KLHL30: variants seen among roughly 807,000 people sequenced by gnomAD.
KLHL30 encodes the protein kelch like family member 30, also known as kelch-like protein 30.
Under a neutral mutation model 55.0 loss-of-function variants are expected in KLHL30, and 55 were observed. The ratio of observed to expected loss-of-function variants is 1.00; its 90% CI spans 0.80 to 1.25. The LOEUF (loss-of-function observed/expected upper bound fraction) is 1.25. Among genes scored for constraint, KLHL30 ranks in the 50% most tolerant of loss-of-function variants. KLHL30 has a pLI of 0.00. For missense variants in KLHL30, 786 were observed against 811.6 expected (o/e 0.97, Z 0.38); for synonymous variants, 356 against 372.6 (o/e 0.96, Z 0.51).
Position 238,150,919 on chromosome 2 carries a change from G to T in KLHL30, c.1591G>T (p.Val531Leu). Residue 531 changes from valine (V) to leucine (L), a missense_variant, in exon 8 of 8, where the codon GTG (valine) becomes TTG (leucine). By Grantham distance (32) the Val-to-Leu change is conservative. Coordinates refer to ENST00000409223, the MANE Select transcript of KLHL30 (RefSeq NM_198582.4). ...GCAGGGCATGGAAGGTGACTACCAC[G>T]TGGAGATGGAGGCCTACGACACGGT... ...RWQGMEGDYH[V>L]EMEAYDTVRD... 6 of 1,596,940 alleles carry T rather than the reference G, an allele frequency of 3.8e-6. No individual in the cohort carries two copies. Among genetic ancestry groups the T allele is most frequent in the East Asian group, 2.3e-5 (1 of 43,890 alleles).
At chr2:238,145,378 T>G (rs908476821) in intron 4 of KLHL30, among the ~76,000 whole-genome samples, 1 of 152,158 alleles carries the variant, frequency 6.6e-6, no homozygotes, top group Non-Finnish European at 1.5e-5. Flanking sequence ...AGTCGTGTGT[T>G]GCAGGGGTCA....
At chr2:238,146,491 C>G (rs1184051026) in intron 5 of KLHL30, among the ~76,000 whole-genome samples, 1 of 151,382 alleles carries the variant, frequency 6.6e-6, no homozygotes, top group African/African-American at 2.4e-5. Flanking sequence ...TCTGCAACCT[C>G]CATCTTCCAG....
intron 2 of KLHL30, among the ~76,000 whole-genome samples, chr2:238,141,734 T>G (rs545899119): frequency 1.3e-5 from 2 of 152,348 alleles, no homozygotes; most frequent in East Asian, 3.9e-4. Flanking sequence ...TCACGCCCTG[T>G]GTGCAAGGGG....
At chr2:238,142,744 C>G in intron 2 of KLHL30, 55 bp from the exon 3 acceptor site, 1 of 1,340,088 alleles carries the variant, frequency 7.5e-7, no homozygotes, top group Non-Finnish European at 9.6e-7. Flanking sequence ...CACGCGGGGG[C>G]TCAGGGCATG....
At chr2:238,143,244 G>A (rs1047307851) in intron 3 of KLHL30, among the ~76,000 whole-genome samples, 6 of 152,362 alleles carry the variant, frequency 3.9e-5, no homozygotes, top group Middle Eastern at 3.4e-3. Context: ...TGGGGTGGGC[G>A]GCCTGGCCGC....
At position 238,141,120 on chromosome 2, in the gene KLHL30, C is replaced by A. The variant is rs556056703; in HGVS notation, c.366C>A (p.Cys122Ter). The change falls in exon 2 of 8, where the codon TGC (cysteine) becomes TGA (stop). Residue 122 changes from cysteine to a stop codon, truncating the protein, a stop_gained. Coordinates refer to ENST00000409223, the MANE Select transcript of KLHL30 (RefSeq NM_198582.4). LOFTEE classifies it high-confidence loss of function. ...RLHFPSVQKV[C>*]GRYLQQQLDA... ...ACTTCCCCTCGGTGCAGAAGGTCTG[C>A]GGCCGCTACCTGCAGCAGCAACTGG... 3 of 1,610,262 alleles carry A rather than the reference C, an allele frequency of 1.9e-6. No homozygotes were observed. Among genetic ancestry groups the A allele is most frequent in the Non-Finnish European group, 2.5e-6 (3 of 1,178,250 alleles).
Position 238,147,931 on chromosome 2 carries a change from G to A in KLHL30, c.1248G>A (p.Ser416=), listed in dbSNP as rs771109790. Residue 416 remains serine, a synonymous_variant, in exon 6 of 8, where the codon TCG becomes TCA. Transcript: ENST00000409223. The surrounding 1 kb of genome is among the most constrained non-coding windows in gnomAD (Gnocchi z 5.8). ...CCCTCAAATACGTCAGCAACTTCTC[G>A]GCTGCCGGCTGCCGGGGCCGGCTCT... The part of the protein sequence containing the change: ...SPALKYVSNF[S]AAGCRGRLYL... 2.9e-4 allele frequency: 464 copies of A among 1,594,060 alleles called. No homozygotes were observed. Among genetic ancestry groups the A allele is most frequent in the Non-Finnish European group, 3.6e-4 (427 of 1,171,332 alleles).
chr2:238,151,202 A>G lies in KLHL30; in HGVS notation c.*137A>G. ...AGCTGCGCTCAGGCCACCAGGGGTG[A>G]TCAGACGGCATGGCTTGGAGGACAC... On this transcript the variant is annotated 3_prime_UTR_variant, in exon 8 of 8. Coordinates refer to ENST00000409223, the MANE Select transcript of KLHL30 (RefSeq NM_198582.4). 8.4e-7 allele frequency: 1 copy of G among 1,194,734 alleles called. No individual in the cohort carries two copies. The highest frequency in any genetic ancestry group is 1.5e-5 in the African/African-American group (1 of 65,346). 74.0% of individuals were successfully genotyped at this position (1,194,734 alleles called of 1,614,324 possible). A position where few individuals can be genotyped will look rare whatever the true frequency, so the allele number is the denominator to read the frequency against.
At chr2:238,139,507 C>T (rs1310224738) in intron 1 of KLHL30, among the ~76,000 whole-genome samples, 1 of 152,166 alleles carries the variant, frequency 6.6e-6, no homozygotes, top group African/African-American at 2.4e-5. Context: ...GGTTGGTCCG[C>T]GAGGCCCTGT....
chr2:238,150,148 G>T (rs1426960217), intron 7 of KLHL30, among the ~76,000 whole-genome samples: 1 of 152,202 alleles, frequency 6.6e-6, no homozygotes, highest in Non-Finnish European at 1.5e-5. Flanking sequence ...CTGGGCCACA[G>T]CCAGGCCTTC....
At position 238,145,768 on chromosome 2, in the gene KLHL30, C is replaced by G; in HGVS notation, c.1086C>G (p.Pro362=). The G allele has an allele frequency of 6.2e-7, 1 of 1,606,646 alleles. No individual in the cohort carries two copies. ...AGGCCTCCTGGAAGCCCGTGGCGCC[C>G]ATGCTGAAGCCCCGCACCAACCACG... is the stretch of plus-strand genomic sequence containing the variant. ...LKEASWKPVA[P]MLKPRTNHAS... is the part of the protein sequence containing the mutation. Residue 362 remains proline (P), a synonymous_variant, in exon 5 of 8, where the codon CCC becomes CCG. Coordinates refer to ENST00000409223, the MANE Select transcript of KLHL30 (RefSeq NM_198582.4).
Position 238,140,974 on chromosome 2 carries a change from G to C in KLHL30, c.220G>C (p.Val74Leu), listed in dbSNP as rs368732409. Residue 74 changes from valine (V) to leucine (L), a missense_variant, in exon 2 of 8, where the codon GTG becomes CTG. By Grantham distance (32) the Val-to-Leu change is conservative (BLOSUM62 1). Transcript: ENST00000409223. ...CTTCGCCGAGAGCTTCTCTGCGCGC[G>C]TGGAGCTGCGGGACGTGGAGCCCGC... ...GDFAESFSARVELRDVEPAVV... is the reference protein window; with the variant it reads ...GDFAESFSARLELRDVEPAVV... 1.9e-6 allele frequency: 3 copies of C among 1,612,268 alleles called. No homozygotes were observed. In the South Asian group the frequency reaches 3.3e-5, roughly 18 times the overall value.
intron 3 of KLHL30, among the ~76,000 whole-genome samples, chr2:238,144,432 AAGGCAGGCAGGCAGGCAGGCAGGCAGGC>A (rs1165549782): frequency 1.2e-4 from 10 of 82,380 alleles, no homozygotes; most frequent in Non-Finnish European, 1.8e-4. Context: ...GGAAGGAAGG[AAGGCAGGCAGGCAGGCAGGCAGGCAGGC>A]AGGCAGGCAG....
At chr2:238,150,049 G>A (rs537519696) in intron 7 of KLHL30, among the ~76,000 whole-genome samples, 1 of 152,298 alleles carries the variant, frequency 6.6e-6, no homozygotes, top group East Asian at 1.9e-4. Context: ...TGGCGTCACT[G>A]CTCAGCTGAC....
rs1268184992 is a variant in KLHL30 at position 238,151,416 on chromosome 2, C to T, written c.*351C>T. On this transcript the variant is annotated 3_prime_UTR_variant, in exon 8 of 8. Coordinates refer to ENST00000409223, the MANE Select transcript of KLHL30 (RefSeq NM_198582.4). ...CGAGCCCCACTCCTGCCCCTGGACC[C>T]CAGCAGGGGCTTTTGGAGCAGTTGC... 7.0e-5 allele frequency: 25 copies of T among 355,772 alleles called. 1 individual carries two copies. The highest frequency in any genetic ancestry group is 1.0e-4 in the Non-Finnish European group (20 of 191,700). 22.0% of individuals were successfully genotyped at this position (355,772 alleles called of 1,614,324 possible).
intron 1 of KLHL30, among the ~76,000 whole-genome samples, chr2:238,139,765 G>C (rs753134024): frequency 6.6e-6 from 1 of 152,236 alleles, no homozygotes; most frequent in South Asian, 2.1e-4. Context: ...CCTAGCGGGC[G>C]AACGGCCTCT....
Position 238,147,990 on chromosome 2 carries a change from C to A in KLHL30, c.1307C>A (p.Ala436Asp). ...LVGSSACKYN[A>D]LALQCYNPVT... ...GGCTCCAGCGCCTGCAAGTACAACGCCCTGGCCCTGCAGTGCTACAACCCT... is the reference window on the plus strand; with the variant it reads ...GGCTCCAGCGCCTGCAAGTACAACGACCTGGCCCTGCAGTGCTACAACCCT... The change falls in exon 6 of 8, where the codon GCC (alanine) becomes GAC (aspartate). Residue 436 changes from alanine (A) to aspartate (D), a missense_variant. Transcript: ENST00000409223. The surrounding 1 kb of genome is among the most constrained non-coding windows in gnomAD (Gnocchi z 5.8). The A allele has an allele frequency of 6.5e-7, 1 of 1,535,504 alleles. No individual in the cohort carries two copies. Among genetic ancestry groups the A allele is most frequent in the African/African-American group, 1.4e-5 (1 of 72,752 alleles).
intron 1 of KLHL30, 110 bp from the exon 2 acceptor site, chr2:238,140,575 C>T (rs1692512853): frequency 1.6e-6 from 1 of 610,636 alleles, no homozygotes. Flanking sequence ...ATGGTCGATG[C>T]CCATCCTGTG....
At chr2:238,142,506 AC>A (rs1284075898) in intron 2 of KLHL30, among the ~76,000 whole-genome samples, 4 of 152,080 alleles carry the variant, frequency 2.6e-5, no homozygotes, top group African/African-American at 9.7e-5. Context: ...GAGCCGGGAC[AC>A]CCTCGTGCCG....
Sources: gnomAD v4.1 joint callset for allele counts (sites outside exome capture counted in the v4.1 genomes callset) on GRCh38, gnomAD v4.1.1 for gene constraint, Gnocchi (gnomAD v3.1) non-coding constraint, MANE v1.5 for transcripts, NCBI Gene and HGNC (gene_info 2026-07-23, HGNC 2026-07-21) for gene names.